Variants in MOV10L1 observed in about 807,000 individuals in gnomAD.
MOV10L1 encodes Mov10 like RNA helicase 1.
In MOV10L1, 110 loss-of-function variants were observed where a neutral mutation model predicts 143.8. The observed-to-expected ratio is 0.76, with a 90% CI of 0.66 to 0.90. The LOEUF (loss-of-function observed/expected upper bound fraction) is 0.90, where lower values mean the gene tolerates loss of function less well. Ranked by LOEUF, MOV10L1 falls within the 40% of genes least tolerant of loss-of-function variation. The pLI is 0.00. For synonymous variants in MOV10L1, 593 were observed against 581.1 expected, an observed-to-expected ratio of 1.02 and a Z score of -0.29; for missense variants, 1,406 against 1,526.8, an observed-to-expected ratio of 0.92 and a Z score of 1.32.
chr22:50,116,316 G>A (rs765796600), intron 8 of MOV10L1, among the ~76,000 whole-genome samples: 3 of 151,654 alleles, frequency 2.0e-5, no homozygotes, highest in Non-Finnish European at 2.9e-5. Flanking sequence ...GCGTGGTGGC[G>A]GGCACCTGTA....
At chr22:50,137,992 G>T (rs889914468) in intron 15 of MOV10L1, among the ~76,000 whole-genome samples, 1 of 151,786 alleles carries the variant, frequency 6.6e-6, no homozygotes, top group African/African-American at 2.4e-5. Flanking sequence ...AAAAATAAAT[G>T]TGTAATATAC....
At chr22:50,106,325 C>CTTTTTT (rs1165257394) in intron 3 of MOV10L1, among the ~76,000 whole-genome samples, 5 of 94,550 alleles carry the variant, frequency 5.3e-5, no homozygotes, top group African/African-American at 8.0e-5. Context: ...CCAACTAATT[C>CTTTTTT]TTTTTTTTTT....
chr22:50,114,301 T>G, intron 6 of MOV10L1, 80 bp from the exon 7 acceptor site: 2 of 1,510,264 alleles, frequency 1.3e-6, no homozygotes, highest in Non-Finnish European at 1.8e-6. Context: ...CTTCCTAGAT[T>G]AGGTTTTGTG....
At chr22:50,107,771 T>C (rs1391100535) in intron 3 of MOV10L1, among the ~76,000 whole-genome samples, 1 of 152,154 alleles carries the variant, frequency 6.6e-6, no homozygotes, top group Non-Finnish European at 1.5e-5. Flanking sequence ...TGTCTCTCTG[T>C]TCCCGAACAC....
At chr22:50,098,204 TTAATAA>T (rs1192940626) in intron 2 of MOV10L1, among the ~76,000 whole-genome samples, 2 of 148,746 alleles carry the variant, frequency 1.3e-5, no homozygotes, top group Non-Finnish European at 2.9e-5. Flanking sequence ...GATTGTCATC[TTAATAA>T]TAATTAAGTA....
intron 15 of MOV10L1, among the ~76,000 whole-genome samples, chr22:50,135,806 T>C (rs2062809672): frequency 6.6e-6 from 1 of 151,812 alleles, no homozygotes; most frequent in Non-Finnish European, 1.5e-5. Flanking sequence ...AGTAATATAG[T>C]GCCTATTACA....
At chr22:50,108,469 T>C (rs1168554473) in intron 4 of MOV10L1, 188 bp from the exon 5 acceptor site, 2 of 753,400 alleles carry the variant, frequency 2.7e-6, no homozygotes, top group East Asian at 2.7e-5. Flanking sequence ...CTGTAGCTTA[T>C]GCAACAGTGC....
intron 5 of MOV10L1, among the ~76,000 whole-genome samples, chr22:50,110,198 C>T (rs963049294): frequency 6.6e-6 from 1 of 151,834 alleles, no homozygotes; most frequent in African/African-American, 2.4e-5. Context: ...GCCCGTAATA[C>T]CAGCACTTTG....
Position 50,115,152 on chromosome 22 carries a change from A to G in MOV10L1, c.1165A>G (p.Asn389Asp). The G allele has an allele frequency of 6.4e-7, 1 of 1,571,772 alleles. No homozygotes were observed. Among genetic ancestry groups the G allele is most frequent in the Non-Finnish European group, 8.6e-7 (1 of 1,166,688 alleles). Reference sequence around the variant, plus strand: ...TAAAGGAGAAAATGGAGAAAAAGACAACATTCTATCAAGGAAGCAGATGAC... The same window carrying G: ...TAAAGGAGAAAATGGAGAAAAAGACGACATTCTATCAAGGAAGCAGATGAC... Reference protein sequence around the residue: ...TCKGENGEKDNILSRKQMTEP... With the variant: ...TCKGENGEKDDILSRKQMTEP... Residue 389 changes from asparagine to aspartate, a missense_variant, in exon 8 of 27, where the codon AAC becomes GAC. By Grantham distance (23) the Asn-to-Asp change is conservative. Transcript: ENST00000262794.
chr22:50,092,263 C>T, intron 2 of MOV10L1, 78 bp downstream of exon 2: 1 of 1,315,828 alleles, frequency 7.6e-7, no homozygotes, highest in Non-Finnish European at 1.1e-6. Context: ...TTTAATCTAT[C>T]AGACATGACC....
At chr22:50,157,530 G>T (rs1034712229) in intron 22 of MOV10L1, among the ~76,000 whole-genome samples, 1 of 152,008 alleles carries the variant, frequency 6.6e-6, no homozygotes, top group African/African-American at 2.4e-5. Context: ...GTGAGGGTCC[G>T]TCTTCATCCT....
chr22:50,126,291 A>T lies in MOV10L1; in HGVS notation c.1818+19A>T. On this transcript the variant is annotated intron_variant, in intron 12 of 26. Coordinates refer to ENST00000262794, the MANE Select transcript of MOV10L1 (RefSeq NM_018995.3). The stretch of plus-strand genomic sequence containing the variant: ...GACTGAGGTGAGAGCACTCTCTCTT[A>T]ATGAGTTTGTGTTAGACACACCCTT... The T allele has an allele frequency of 6.3e-7, 1 of 1,591,100 alleles. No individual in the cohort carries two copies. The highest frequency in any genetic ancestry group is 8.6e-7 in the Non-Finnish European group (1 of 1,159,434).
intron 7 of MOV10L1, 36 bp downstream of exon 7, chr22:50,114,658 G>A (rs1476184792): frequency 1.9e-6 from 3 of 1,607,146 alleles, no homozygotes; most frequent in Admixed American, 1.7e-5. Context: ...CGTGAGGTCG[G>A]GTGGGCTGGG....
intron 9 of MOV10L1, 31 bp from the exon 10 acceptor site, chr22:50,120,469 CTT>C (rs761942009): frequency 1.6e-5 from 23 of 1,399,222 alleles, no homozygotes; most frequent in Non-Finnish European, 2.0e-5. Flanking sequence ...GTGATAAAGA[CTT>C]ATTTTTAACT....
chr22:50,114,295 C>T lies in MOV10L1; in HGVS notation c.885-86C>T, dbSNP rs561144500. On this transcript the variant is annotated intron_variant, in intron 6 of 26. Transcript: ENST00000262794. Reference sequence around the variant, plus strand: ...TAAGTGTATTTGCAGTCACCACTTCCTAGATTAGGTTTTGTGTTTTATGAT... The same window carrying T: ...TAAGTGTATTTGCAGTCACCACTTCTTAGATTAGGTTTTGTGTTTTATGAT... 4.9e-5 allele frequency: 73 copies of T among 1,488,650 alleles called. No individual in the cohort carries two copies. The South Asian group carries it at 7.9e-4, about 16-fold the overall frequency. 92.2% of individuals were successfully genotyped at this position (1,488,650 alleles called of 1,614,324 possible). A position where few individuals can be genotyped will look rare whatever the true frequency, so the allele number is the denominator to read the frequency against.
intron 3 of MOV10L1, among the ~76,000 whole-genome samples, chr22:50,100,380 A>G (rs2061714277): frequency 6.6e-6 from 1 of 152,178 alleles, no homozygotes; most frequent in African/African-American, 2.4e-5. Flanking sequence ...TTGCTTCCAT[A>G]TAATTATAGT....
Position 50,108,136 on chromosome 22 carries a change from GCTTCGAGCC to G in MOV10L1, c.446_454del (p.Phe149_Pro151del). 1.2e-6 allele frequency: 2 copies of G among 1,613,396 alleles called. No individual in the cohort carries two copies. Among genetic ancestry groups the G allele is most frequent in the Non-Finnish European group, 1.7e-6 (2 of 1,179,452 alleles). ...ATGGCTTTTTTCCTGGCGGTTTTAGGCTTCGAGCCCTGCAAGGGAGACTGGGTGGAGGCT... is the reference window on the plus strand; with the variant it reads ...ATGGCTTTTTTCCTGGCGGTTTTAGGCTGCAAGGGAGACTGGGTGGAGGCT... On this transcript the variant is annotated inframe_deletion and splice_region_variant, in exon 4 of 27. Coordinates refer to ENST00000262794, the MANE Select transcript of MOV10L1 (RefSeq NM_018995.3).
chr22:50,127,430 C>G (rs1197563512), intron 12 of MOV10L1, among the ~76,000 whole-genome samples: 2 of 152,212 alleles, frequency 1.3e-5, no homozygotes, highest in Non-Finnish European at 2.9e-5. Context: ...ACGCATGTCT[C>G]CTGTGTATAG....
intron 2 of MOV10L1, chr22:50,094,198 T>A (rs2062528681): frequency 6.6e-6 from 1 of 152,210 alleles, no homozygotes; most frequent in Non-Finnish European, 1.5e-5. Context: ...GATATTTGGG[T>A]CATATGGAGT....
Sources: gnomAD v4.1 joint callset for allele counts (sites outside exome capture counted in the v4.1 genomes callset) on GRCh38, gnomAD v4.1.1 for gene constraint, MANE v1.5 for transcripts, NCBI Gene and HGNC (gene_info 2026-07-23, HGNC 2026-07-21) for gene names.